Variants in MAP3K13 observed in about 807,000 individuals in gnomAD.
MAP3K13 encodes leucine zipper-bearing kinase.
A neutral mutation model predicts 104.0 loss-of-function variants in MAP3K13; 52 were observed. The observed-to-expected ratio is 0.50, with a 90% CI of 0.40 to 0.63. The LOEUF (loss-of-function observed/expected upper bound fraction) is 0.63. Ranked by LOEUF, MAP3K13 falls within the 20% of genes least tolerant of loss-of-function variation. MAP3K13 has a pLI of 0.00. For missense variants in MAP3K13, 914 were observed against 1,218.5 expected (o/e 0.75, Z 3.72); for synonymous variants, 394 against 442.2 (o/e 0.89, Z 1.37).
intron 2 of MAP3K13, among the ~76,000 whole-genome samples, chr3:185,297,561 C>A (rs1249160415): frequency 6.6e-6 from 1 of 151,920 alleles, no homozygotes; most frequent in East Asian, 1.9e-4. Flanking sequence ...ATGGTGAAAC[C>A]CTGTCTCTAC....
At chr3:185,349,360 G>A (rs1049625036) in intron 2 of MAP3K13, among the ~76,000 whole-genome samples, 4 of 151,988 alleles carry the variant, frequency 2.6e-5, no homozygotes, top group African/African-American at 4.8e-5. Flanking sequence ...AAGTGAAAAC[G>A]TGTAGTATTT....
At position 185,480,371 on chromosome 3, in the gene MAP3K13, T is replaced by C. The variant is rs747769541; in HGVS notation, c.2641T>C (p.Leu881=). 14 of 1,614,198 alleles carry C rather than the reference T, an allele frequency of 8.7e-6. No individual in the cohort carries two copies. In the Admixed American group the frequency reaches 1.8e-4, roughly 21 times the overall value. The part of the protein sequence containing the change: ...DELADKLEDR[L]AEKLDDLLSQ... Reference sequence around the variant, plus strand: ...GTTAGCTGATAAACTTGAAGACCGCTTGGCAGAGAAGCTAGACGACCTGCT... The same window carrying C: ...GTTAGCTGATAAACTTGAAGACCGCCTGGCAGAGAAGCTAGACGACCTGCT... Residue 881 remains leucine (L), a synonymous_variant, in exon 13 of 14, where the codon TTG becomes CTG. Transcript: ENST00000265026.
rs567402326 is a variant in MAP3K13 at position 185,466,129 on chromosome 3, C to T, written c.1505+266C>T. On this transcript the variant is annotated intron_variant, in intron 9 of 13. Coordinates refer to ENST00000265026, the MANE Select transcript of MAP3K13 (RefSeq NM_004721.5). ...AGGGGTCCCCATTTCAAGAAGAGCACGGGGTGAAGACCGGGGAGCCGATTG... is the reference window on the plus strand; with the variant it reads ...AGGGGTCCCCATTTCAAGAAGAGCATGGGGTGAAGACCGGGGAGCCGATTG... Among the ~76,000 whole-genome samples, 13 of 152,252 alleles carry T rather than the reference C, an allele frequency of 8.5e-5. No homozygotes were observed. The South Asian group carries it at 2.5e-3, about 29-fold the overall frequency.
At chr3:185,465,330 G>A (rs1399147642) in intron 8 of MAP3K13, among the ~76,000 whole-genome samples, 1 of 151,734 alleles carries the variant, frequency 6.6e-6, no homozygotes, top group African/African-American at 2.4e-5. Context: ...ATATAAATCT[G>A]GGGGGCACAA....
intron 1 of MAP3K13, among the ~76,000 whole-genome samples, chr3:185,383,272 T>A (rs564314458): frequency 6.6e-6 from 1 of 152,074 alleles, no homozygotes; most frequent in Admixed American, 6.6e-5. Context: ...TTGTTGGACA[T>A]TTGGGTTGGT....
At chr3:185,289,860 A>G (rs1720664934) in intron 2 of MAP3K13, among the ~76,000 whole-genome samples, 1 of 152,218 alleles carries the variant, frequency 6.6e-6, no homozygotes. Context: ...TGTGTTTAAT[A>G]ACAAAAGACA....
intron 1 of MAP3K13, among the ~76,000 whole-genome samples, chr3:185,405,735 G>T (rs187518568): frequency 6.6e-6 from 1 of 152,258 alleles, no homozygotes; most frequent in East Asian, 1.9e-4. Context: ...TGCTTCCCTT[G>T]CTGTGCTTAT....
upstream of MAP3K13, among the ~76,000 whole-genome samples, chr3:185,362,766 C>G (rs1254617184): frequency 6.6e-6 from 1 of 152,088 alleles, no homozygotes; most frequent in Non-Finnish European, 1.5e-5. Flanking sequence ...TCGCATCAGG[C>G]ATATTGCTGA....
chr3:185,381,982 G>A (rs1370690873), intron 1 of MAP3K13, among the ~76,000 whole-genome samples: 1 of 152,130 alleles, frequency 6.6e-6, no homozygotes, highest in Non-Finnish European at 1.5e-5. Flanking sequence ...AGACTTAACT[G>A]TAGTTAATAA....
intron 7 of MAP3K13, among the ~76,000 whole-genome samples, chr3:185,454,930 T>TGATATATATGA (rs1716321932): frequency 1.2e-5 from 1 of 82,560 alleles, no homozygotes; most frequent in African/African-American, 4.5e-5. Flanking sequence ...GATATATATA[T>TGATATATATGA]GATATATATA....
chr3:185,422,335 G>A (rs184831556), intron 1 of MAP3K13, among the ~76,000 whole-genome samples: 3 of 152,354 alleles, frequency 2.0e-5, no homozygotes, highest in East Asian at 1.9e-4. Flanking sequence ...TATTAAGCAA[G>A]TCGACAATCT....
intron 1 of MAP3K13, among the ~76,000 whole-genome samples, chr3:185,413,915 T>C: frequency 6.6e-6 from 1 of 152,366 alleles, no homozygotes; most frequent in South Asian, 2.1e-4. Flanking sequence ...CTTTAGTTAT[T>C]GCTAAGAATT....
At position 185,454,301 on chromosome 3, in the gene MAP3K13, TCATATATATATGA is replaced by T. The variant is rs1716115425; in HGVS notation, c.1278+2907_1278+2919del. ...ATATATGATATATATGAGATATATATCATATATATATGAGATATATATGAGATATATATGATAT... is the reference window on the plus strand; with the variant it reads ...ATATATGATATATATGAGATATATATGATATATATGAGATATATATGATAT... On this transcript the variant is annotated intron_variant, in intron 7 of 13. Transcript: ENST00000265026. Among the ~76,000 whole-genome samples the T allele has an allele frequency of 1.9e-5, 2 of 107,206 alleles. 1 individual carries two copies. The highest frequency in any genetic ancestry group is 7.8e-5 in the African/African-American group (2 of 25,688). 70.3% of individuals were successfully genotyped at this position (107,206 alleles called of 152,430 possible). A position where few individuals can be genotyped will look rare whatever the true frequency, so the allele number is the denominator to read the frequency against.
intron 1 of MAP3K13, among the ~76,000 whole-genome samples, chr3:185,419,630 T>A (rs1175585743): frequency 6.6e-6 from 1 of 152,192 alleles, no homozygotes; most frequent in Non-Finnish European, 1.5e-5. Flanking sequence ...TTTATATATT[T>A]AAAGGTACAT....
intron 1 of MAP3K13, among the ~76,000 whole-genome samples, chr3:185,399,963 A>T (rs1332396759): frequency 6.6e-6 from 1 of 151,932 alleles, no homozygotes; most frequent in Non-Finnish European, 1.5e-5. Context: ...TATCCTGTTA[A>T]TTCTGTCTCC....
intron 1 of MAP3K13, among the ~76,000 whole-genome samples, chr3:185,378,789 C>T (rs748337470): frequency 2.0e-5 from 3 of 152,218 alleles, no homozygotes; most frequent in African/African-American, 4.8e-5. Flanking sequence ...ATGTCAGGCA[C>T]CTCAGACCAT....
At chr3:185,300,024 T>C (rs991813069) in intron 2 of MAP3K13, among the ~76,000 whole-genome samples, 1 of 152,240 alleles carries the variant, frequency 6.6e-6, no homozygotes, top group Non-Finnish European at 1.5e-5. Context: ...CCCATTCTAC[T>C]AGTAGCACCA....
chr3:185,413,632 G>T (rs1449756716), intron 1 of MAP3K13, among the ~76,000 whole-genome samples: 1 of 152,080 alleles, frequency 6.6e-6, no homozygotes, highest in Non-Finnish European at 1.5e-5. Context: ...GACCAGCCTG[G>T]CCAACATGGT....
At chr3:185,308,041 C>CTTTTTTTTTTT (rs1455146477) in intron 2 of MAP3K13, among the ~76,000 whole-genome samples, 1 of 101,024 alleles carries the variant, frequency 9.9e-6, no homozygotes, top group African/African-American at 4.0e-5. Context: ...TTGAGACTTA[C>CTTTTTTTTTTT]TTTGTTCCCT....
Sources: gnomAD v4.1 joint callset for allele counts (sites outside exome capture counted in the v4.1 genomes callset) on GRCh38, gnomAD v4.1.1 for gene constraint, MANE v1.5 for transcripts, NCBI Gene and HGNC (gene_info 2026-07-23, HGNC 2026-07-21) for gene names.